The following ITIH5 variants were observed in gnomAD, a reference collection of about 807,000 sequenced individuals.
The protein encoded by ITIH5 is inter-alpha-trypsin inhibitor heavy chain H5.
A neutral mutation model predicts 77.5 loss-of-function variants in ITIH5; 65 were observed. The observed-to-expected ratio is 0.84, with a 90% confidence interval of 0.69 to 1.03. ITIH5 has a LOEUF of 1.03. Ranked by LOEUF, ITIH5 falls within the 50% of genes least tolerant of loss-of-function variation. The pLI is 0.00. For synonymous variants in ITIH5, 525 were observed against 494.3 expected (o/e 1.06, Z -0.82); for missense variants, 1,208 against 1,213.1 (o/e 1.00, Z 0.06).
At chr10:7,580,501 C>T (rs1286293331) in intron 8 of ITIH5, among the ~76,000 whole-genome samples, 1 of 152,232 alleles carries the variant, frequency 6.6e-6, no homozygotes, top group Non-Finnish European at 1.5e-5. Flanking sequence ...CATCCAGAAA[C>T]TTGCTAAAAG....
intron 7 of ITIH5, among the ~76,000 whole-genome samples, chr10:7,608,943 C>T (rs1192092503): frequency 6.6e-6 from 1 of 151,312 alleles, no homozygotes; most frequent in Non-Finnish European, 1.5e-5. Flanking sequence ...CCTGAGTGCA[C>T]TGTCCTTCAC....
chr10:7,630,014 A>G (rs1833687616), intron 5 of ITIH5, among the ~76,000 whole-genome samples: 1 of 152,218 alleles, frequency 6.6e-6, no homozygotes, highest in Non-Finnish European at 1.5e-5. Context: ...TATTCTATAC[A>G]TGTATATTAA....
At chr10:7,586,146 CG>C (rs372737507) in intron 7 of ITIH5, 77 bp from the exon 8 acceptor site, 12,384 of 772,170 alleles carry the variant, frequency 0.016, 77 homozygotes, top group African/African-American at 0.093. Flanking sequence ...AAACCGCCCC[CG>C]CCCCCCAGGA....
intron 5 of ITIH5, among the ~76,000 whole-genome samples, chr10:7,629,300 T>C (rs1833666226): frequency 7.0e-5 from 8 of 113,814 alleles, no homozygotes; most frequent in African/African-American, 2.8e-4. Flanking sequence ...TTGTAGCGTG[T>C]GTCCATGTTG....
intron 5 of ITIH5, among the ~76,000 whole-genome samples, chr10:7,623,194 A>G (rs1833501760): frequency 6.6e-6 from 1 of 152,110 alleles, no homozygotes; most frequent in Admixed American, 6.6e-5. Context: ...CTGTTTCCTG[A>G]GGGTCTGGGT....
chr10:7,638,576 T>C lies in ITIH5; in HGVS notation c.402-1098A>G, dbSNP rs1833836603. Among the ~76,000 whole-genome samples the C allele has an allele frequency of 1.3e-5, 2 of 152,178 alleles. 1 individual carries two copies. Among genetic ancestry groups the C allele is most frequent in the South Asian group, 4.1e-4 (2 of 4,834 alleles). On this transcript the variant is annotated intron_variant, in intron 4 of 13. Coordinates refer to ENST00000397146, the MANE Select transcript of ITIH5 (RefSeq NM_030569.7). ...CTTAAAGTCATACACAGCCAAAATA[T>C]TAATCAAGGTCTCAGAAAGTTTACT...
chr10:7,603,984 A>G (rs537767225), intron 7 of ITIH5, among the ~76,000 whole-genome samples: 22 of 152,222 alleles, frequency 1.4e-4, no homozygotes, highest in Non-Finnish European at 2.4e-4. Flanking sequence ...GTCTTCTCAG[A>G]GGGGCTTTAT....
At chr10:7,642,168 T>C (rs1833901533) in intron 2 of ITIH5, 78 bp from the exon 3 acceptor site, 2 of 1,122,868 alleles carry the variant, frequency 1.8e-6, no homozygotes, top group Non-Finnish European at 2.5e-6. Context: ...TTTTTTTTTT[T>C]CCACAAGGGA....
intron 7 of ITIH5, among the ~76,000 whole-genome samples, chr10:7,599,530 T>G (rs961528108): frequency 6.6e-6 from 1 of 152,232 alleles, no homozygotes; most frequent in Non-Finnish European, 1.5e-5. Flanking sequence ...GATCCCCGCA[T>G]GTTTCATTGT....
In ITIH5 at chr10:7,636,411, C is replaced by T. The variant is rs540234086; in HGVS notation, c.652+817G>A. On this transcript the variant is annotated intron_variant, in intron 5 of 13. Transcript: ENST00000397146. ...TAAAAAACAGATTTTTAGAAAATGG[C>T]CCCACAATCTCATACCCCTGATACA... Among the ~76,000 whole-genome samples the T allele has an allele frequency of 5.3e-5, 8 of 152,158 alleles. No individual in the cohort carries two copies. In the South Asian group the frequency reaches 1.7e-3, roughly 32 times the overall value.
chr10:7,666,277 C>G (rs1262731029), intron 1 of ITIH5, among the ~76,000 whole-genome samples: 1 of 152,086 alleles, frequency 6.6e-6, no homozygotes, highest in East Asian at 1.9e-4. Flanking sequence ...GGAACTCAGA[C>G]GCTTTGGCTC....
chr10:7,605,136 T>A (rs1191495769), intron 7 of ITIH5, among the ~76,000 whole-genome samples: 2 of 151,662 alleles, frequency 1.3e-5, no homozygotes, highest in African/African-American at 4.8e-5. Flanking sequence ...CTGTTTCTTT[T>A]CCCCAGCAAA....
chr10:7,594,289 A>G (rs1832852321), intron 7 of ITIH5, among the ~76,000 whole-genome samples: 1 of 152,146 alleles, frequency 6.6e-6, no homozygotes. Context: ...GGTGATGGAC[A>G]CAGCTGGTCA....
chr10:7,643,774 G>T (rs746248801), intron 2 of ITIH5, among the ~76,000 whole-genome samples: 1 of 152,218 alleles, frequency 6.6e-6, no homozygotes, highest in Non-Finnish European at 1.5e-5. Flanking sequence ...ACATATTCCT[G>T]CTGTGACATA....
chr10:7,607,417 G>C (rs1355085725), intron 7 of ITIH5, among the ~76,000 whole-genome samples: 1 of 152,188 alleles, frequency 6.6e-6, no homozygotes, highest in African/African-American at 2.4e-5. Context: ...AAGCCAAGGT[G>C]GGAGGATCGC....
chr10:7,627,175 A>AT lies in ITIH5; in HGVS notation c.653-9894_653-9893insA, dbSNP rs1475951373. ...AAGGGGAGGGAAAGCATTAGGACAA[A>AT]AGCTAATACATGCGGGGCTTAAAAC... On this transcript the variant is annotated intron_variant, in intron 5 of 13. Coordinates refer to ENST00000397146, the MANE Select transcript of ITIH5 (RefSeq NM_030569.7). 2.0e-5 allele frequency among the ~76,000 whole-genome samples: 3 copies of AT among 152,228 alleles called. No homozygotes were observed. In the East Asian group the frequency reaches 5.8e-4, roughly 29 times the overall value.
intron 7 of ITIH5, among the ~76,000 whole-genome samples, chr10:7,615,471 A>G (rs926627469): frequency 1.3e-5 from 2 of 152,216 alleles, no homozygotes; most frequent in African/African-American, 4.8e-5. Flanking sequence ...AAGCATAAAT[A>G]GTCATATTTT....
intron 7 of ITIH5, among the ~76,000 whole-genome samples, chr10:7,612,970 C>T (rs572788289): frequency 4.6e-5 from 7 of 152,152 alleles, no homozygotes; most frequent in South Asian, 2.1e-4. Context: ...CAGGGCCGGG[C>T]GCGGTGGCTC....
intron 7 of ITIH5, among the ~76,000 whole-genome samples, chr10:7,590,227 T>C (rs1564248051): frequency 6.6e-6 from 1 of 152,086 alleles, no homozygotes; most frequent in African/African-American, 2.4e-5. Context: ...CCTTCACCCG[T>C]GGTCCAAGGC....
Sources: allele counts gnomAD v4.1 joint callset (sites outside exome capture counted in the v4.1 genomes callset), GRCh38; gene constraint gnomAD v4.1.1; transcripts MANE v1.5; gene names NCBI Gene and HGNC (gene_info 2026-07-23, HGNC 2026-07-21).